FLNB: variants seen among roughly 807,000 people sequenced by gnomAD.
FLNB encodes the protein filamin B, also known as filamin-B.
A neutral mutation model predicts 250.6 loss-of-function variants in FLNB; 111 were observed. The observed-to-expected ratio is 0.44, with a 90% CI of 0.38 to 0.52. The LOEUF is 0.52. Ranked by LOEUF, FLNB falls within the 20% of genes least tolerant of loss-of-function variation. The pLI is 0.00. For synonymous variants in FLNB, 1,302 were observed against 1,372.1 expected (o/e 0.95, Z 1.13); for missense variants, 2,869 against 3,447.8 (o/e 0.83, Z 4.20).
intron 9 of FLNB, 33 bp from the exon 10 acceptor site, chr3:58,103,926 G>A (rs555449765): frequency 3.1e-6 from 5 of 1,613,738 alleles, no homozygotes; most frequent in South Asian, 1.1e-5. Flanking sequence ...GCCTAGGATT[G>A]TGTTGGAAAG....
chr3:58,089,505 C>T (rs1436332610), intron 4 of FLNB, among the ~76,000 whole-genome samples: 1 of 147,444 alleles, frequency 6.8e-6, no homozygotes, highest in Non-Finnish European at 1.5e-5. Context: ...GAGGTCATGC[C>T]GTTGCCCTCC....
At chr3:58,077,016 G>T in intron 1 of FLNB, 30 bp from the exon 2 acceptor site, 1 of 1,613,756 alleles carries the variant, frequency 6.2e-7, no homozygotes, top group Admixed American at 1.7e-5. Flanking sequence ...TAACCCAAAG[G>T]AATGACCAAG....
At chr3:58,162,154 C>T (rs2097362853) in intron 42 of FLNB, among the ~76,000 whole-genome samples, 1 of 152,168 alleles carries the variant, frequency 6.6e-6, no homozygotes, top group Non-Finnish European at 1.5e-5. Context: ...TGCACAGCTT[C>T]ATGGAGGTGC....
At chr3:58,010,755 C>T (rs959808583) in intron 1 of FLNB, among the ~76,000 whole-genome samples, 1 of 152,090 alleles carries the variant, frequency 6.6e-6, no homozygotes, top group African/African-American at 2.4e-5. Context: ...CAAACCAAAC[C>T]GCAGCACTAG....
intron 41 of FLNB, 55 bp from the exon 42 acceptor site, chr3:58,159,499 G>A: frequency 1.3e-6 from 2 of 1,578,936 alleles, no homozygotes; most frequent in Non-Finnish European, 1.7e-6. Flanking sequence ...GTCAGTGTGT[G>A]CCACTGAGCA....
In FLNB at chr3:58,148,282, C is replaced by T; in HGVS notation, c.5805C>T (p.Leu1935=). Residue 1935 remains leucine, a synonymous_variant, in exon 35 of 46, where the codon CTC becomes CTT. Coordinates refer to ENST00000295956, the MANE Select transcript of FLNB (RefSeq NM_001457.4). ...TGCTCGACATCAGTGAGACTGACCT[C>T]AGCAGCCTGACGGCCAGCATTAAGG... ...DFLLDISETD[L]SSLTASIKAP... The T allele has an allele frequency of 3.1e-6, 5 of 1,614,176 alleles. 1 individual carries two copies. In the South Asian group the frequency reaches 3.3e-5, roughly 11 times the overall value.
At chr3:58,135,823 C>T (rs1235531204) in intron 27 of FLNB, among the ~76,000 whole-genome samples, 156 bp from the exon 28 acceptor site, 4 of 152,168 alleles carry the variant, frequency 2.6e-5, no homozygotes, top group Non-Finnish European at 4.4e-5. Context: ...ACCCTCTACT[C>T]TCCCTACCAA....
At chr3:58,159,484 G>T in intron 41 of FLNB, 70 bp from the exon 42 acceptor site, 2 of 1,523,832 alleles carry the variant, frequency 1.3e-6, no homozygotes, top group Non-Finnish European at 1.8e-6. Flanking sequence ...ACAGTTTTGG[G>T]TAGGGTCAGT....
At chr3:58,013,752 G>T (rs1449655911) in intron 1 of FLNB, among the ~76,000 whole-genome samples, 1 of 152,214 alleles carries the variant, frequency 6.6e-6, no homozygotes, top group African/African-American at 2.4e-5. Flanking sequence ...TGAATCCAAG[G>T]GCAGAGGCTG....
At position 58,098,585 on chromosome 3, in the gene FLNB, G is replaced by T. The variant is rs560463552; in HGVS notation, c.1148-126G>T. The T allele has an allele frequency of 8.6e-6, 7 of 818,056 alleles. No individual in the cohort carries two copies. The South Asian group carries it at 9.4e-5, about 11-fold the overall frequency. The allele number at this position is 818,056 out of a possible 1,614,324, so 50.7% of individuals were successfully genotyped here. On this transcript the variant is annotated intron_variant, in intron 7 of 45. Coordinates refer to ENST00000295956, the MANE Select transcript of FLNB (RefSeq NM_001457.4). ...TGACCTCAAGTGATCTACCCACCTCGGCCTCTCGAAGTGCTGGGATTACAA... is the reference window on the plus strand; with the variant it reads ...TGACCTCAAGTGATCTACCCACCTCTGCCTCTCGAAGTGCTGGGATTACAA...
intron 2 of FLNB, 39 bp downstream of exon 2, chr3:58,077,333 G>A (rs762274589): frequency 5.6e-6 from 9 of 1,606,302 alleles, no homozygotes; most frequent in Non-Finnish European, 7.7e-6. Context: ...TGTCCAGGAT[G>A]GGGGTGTGTG....
chr3:58,061,737 T>A (rs1576652941), intron 1 of FLNB, among the ~76,000 whole-genome samples: 2 of 126,824 alleles, frequency 1.6e-5, no homozygotes, highest in African/African-American at 3.0e-5. Context: ...AGACCCTGTC[T>A]CCCCCTGGCC....
At chr3:58,053,183 G>A (rs1443159593) in intron 1 of FLNB, among the ~76,000 whole-genome samples, 1 of 152,108 alleles carries the variant, frequency 6.6e-6, no homozygotes, top group Non-Finnish European at 1.5e-5. Flanking sequence ...CTACAGTCTA[G>A]CCCTTAAAAA....
rs769902031 is a variant in FLNB, at chr3:58,123,155, C to T, written c.3189C>T (p.Ile1063=). Residue 1063 remains isoleucine (I), a synonymous_variant, in exon 21 of 46, where the codon ATC becomes ATT. Coordinates refer to ENST00000295956, the MANE Select transcript of FLNB (RefSeq NM_001457.4). ...GLVGKPAEFT[I]DTKGAGTGGL... ...TGGGCAAGCCTGCCGAGTTCACCAT[C>T]GATACCAAAGGAGCTGGTACTGGAG... The T allele has an allele frequency of 8.1e-6, 13 of 1,614,064 alleles. No individual in the cohort carries two copies. Among genetic ancestry groups the T allele is most frequent in the African/African-American group, 2.7e-5 (2 of 74,914 alleles).
At chr3:58,094,532 C>G (rs752724649) in intron 4 of FLNB, among the ~76,000 whole-genome samples, 1 of 152,232 alleles carries the variant, frequency 6.6e-6, no homozygotes, top group Non-Finnish European at 1.5e-5. Flanking sequence ...CTCCTCCCTG[C>G]TGTGTTGCTT....
At position 58,163,235 on chromosome 3, in the gene FLNB, G is replaced by T. The variant is rs1345999967; in HGVS notation, c.7103G>T (p.Gly2368Val). 2 of 1,614,200 alleles carry T rather than the reference G, an allele frequency of 1.2e-6. No homozygotes were observed. The highest frequency in any genetic ancestry group is 2.2e-5 in the South Asian group (2 of 91,080). Residue 2368 changes from glycine (G) to valine (V), a missense_variant, in exon 43 of 46, where the codon GGA (glycine) becomes GTA (valine). Gly to Val is a moderately radical substitution (Grantham distance 109). This residue lies in a region of FLNB where 1,084 missense variants were observed against 1,315.5 expected (regional missense o/e 0.82). Coordinates refer to ENST00000295956, the MANE Select transcript of FLNB (RefSeq NM_001457.4). The stretch of plus-strand genomic sequence containing the variant: ...AAGTTCAATGGGAGCCACGTGGTTG[G>T]AAGCCCCTTCAAAGTGCGCGTTGGG... ...DVKFNGSHVV[G>V]SPFKVRVGEP...
At chr3:58,141,305 C>G (rs1017149036) in intron 29 of FLNB, among the ~76,000 whole-genome samples, 1 of 152,148 alleles carries the variant, frequency 6.6e-6, no homozygotes, top group African/African-American at 2.4e-5. Context: ...AAAAAAAGAA[C>G]TTTTTCCTGA....
At chr3:58,029,654 C>A (rs2097128116) in intron 1 of FLNB, among the ~76,000 whole-genome samples, 1 of 152,034 alleles carries the variant, frequency 6.6e-6, no homozygotes. Flanking sequence ...CAGGCACCTG[C>A]CACCATGCCT....
chr3:58,110,553 T>A (rs1576736112), intron 16 of FLNB, among the ~76,000 whole-genome samples: 1 of 152,002 alleles, frequency 6.6e-6, no homozygotes, highest in African/African-American at 2.4e-5. Context: ...CGGGTTCAAG[T>A]GATTCTCCTG....
Sources: allele counts gnomAD v4.1 joint callset (sites outside exome capture counted in the v4.1 genomes callset), GRCh38; gene constraint gnomAD v4.1.1; regional missense constraint gnomAD v4.1.1; transcripts MANE v1.5; gene names NCBI Gene and HGNC (gene_info 2026-07-23, HGNC 2026-07-21).